The following ATP7A variants were observed in gnomAD, a reference collection of about 807,000 sequenced individuals.
ATP7A encodes the protein ATPase copper transporting alpha, also known as copper-transporting ATPase 1.
In ATP7A, 7 loss-of-function variants were observed where a neutral mutation model predicts 83.5. That is an observed-to-expected ratio of 0.08 (90% CI 0.05 to 0.16). The LOEUF is 0.16. Among genes scored for constraint, ATP7A ranks in the 10% least tolerant of loss-of-function variants. The probability of loss-of-function intolerance (pLI) is 1.00; values close to 1 mark genes in which losing one functional copy is unlikely to be tolerated. For missense variants in ATP7A, 940 were observed against 1,120.8 expected, an observed-to-expected ratio of 0.84 and a Z score of 2.30; for synonymous variants, 354 against 395.2, an observed-to-expected ratio of 0.90 and a Z score of 1.24.
At chrX:77,921,907 AAAAAAT>A (rs1328628551) in intron 1 of ATP7A, among the ~76,000 whole-genome samples, 4 of 110,857 alleles carry the variant, frequency 3.6e-5, no homozygotes, top group South Asian at 7.6e-4. Flanking sequence ...TTCTGCCTCA[AAAAAAT>A]AAAAATAAAA....
At position 78,047,703 on chromosome X, in the gene ATP7A, A is replaced by G. The variant is rs1603391893; in HGVS notation, c.*1133A>G. ...CCCTGCCTCAGCCTCCTGAGTAGCT[A>G]GGATTACAGGTGCCTGCCACCACAC... On this transcript the variant is annotated 3_prime_UTR_variant, in exon 23 of 23. Transcript: ENST00000341514. 8.9e-6 allele frequency: 1 copy of G among 112,794 alleles called. No individual in the cohort carries two copies. The highest frequency in any genetic ancestry group is 1.9e-5 in the Non-Finnish European group (1 of 53,263). The allele number at this position is 112,794 out of a possible 1,213,427, so 9.3% of individuals were successfully genotyped here. A position where few individuals can be genotyped will look rare whatever the true frequency, so the allele number is the denominator to read the frequency against.
At chrX:77,988,760 A>G (rs1343038277) in intron 3 of ATP7A, 29 bp downstream of exon 3, 7 of 1,209,599 alleles carry the variant, frequency 5.8e-6, no homozygotes, top group Admixed American at 2.2e-5. Flanking sequence ...ATTGTTTTGT[A>G]AGGCTTAGGT....
intron 5 of ATP7A, among the ~76,000 whole-genome samples, chrX:78,002,521 A>G (rs1371760439): frequency 8.9e-6 from 1 of 111,884 alleles, no homozygotes; most frequent in Non-Finnish European, 1.9e-5. Flanking sequence ...GTAAACAGTT[A>G]TAAGACAATT....
intron 6 of ATP7A, among the ~76,000 whole-genome samples, chrX:78,004,105 A>G (rs369769390): frequency 7.7e-4 from 86 of 112,113 alleles, no homozygotes; most frequent in African/African-American, 1.6e-3. Flanking sequence ...AAAGAGTAAA[A>G]TAGATCAATA....
chrX:78,011,702 GTTAATAA>G (rs2077827324), intron 9 of ATP7A, 28 bp downstream of exon 9: 1 of 1,187,923 alleles, frequency 8.4e-7, no homozygotes, highest in Non-Finnish European at 1.1e-6. Flanking sequence ...AAATATATTT[GTTAATAA>G]TAAAAAATAA....
intron 14 of ATP7A, among the ~76,000 whole-genome samples, chrX:78,023,886 G>C (rs1243384978): frequency 9.0e-6 from 1 of 111,656 alleles, no homozygotes; most frequent in Non-Finnish European, 1.9e-5. Flanking sequence ...ATAATGTCTA[G>C]AAGAGTTTTT....
chrX:78,038,722 C>A, intron 17 of ATP7A, 114 bp from the exon 18 acceptor site: 3 of 857,995 alleles, frequency 3.5e-6, no homozygotes, highest in Non-Finnish European at 5.0e-6. Context: ...AGGCTATGTT[C>A]TAGGAGCAAT....
chrX:78,028,372 A>G (rs1569550132), intron 14 of ATP7A, among the ~76,000 whole-genome samples: 1 of 111,326 alleles, frequency 9.0e-6, no homozygotes, highest in Non-Finnish European at 1.9e-5. Flanking sequence ...CATTTTTAAT[A>G]GAGACGGGGT....
intron 1 of ATP7A, among the ~76,000 whole-genome samples, chrX:77,933,520 G>A (rs2077301434): frequency 3.6e-5 from 4 of 112,035 alleles, no homozygotes; most frequent in Admixed American, 2.8e-4. Context: ...AGGACCGGAA[G>A]TGTTTCGGAT....
chrX:77,985,084 A>C (rs1160428380), intron 2 of ATP7A, among the ~76,000 whole-genome samples: 1 of 110,959 alleles, frequency 9.0e-6, no homozygotes, highest in Non-Finnish European at 1.9e-5. Flanking sequence ...CAGTGGCACG[A>C]CTTTGGCTCA....
chrX:77,998,387 C>T, intron 4 of ATP7A, 91 bp from the exon 5 acceptor site: 1 of 886,634 alleles, frequency 1.1e-6, no homozygotes, highest in Non-Finnish European at 1.7e-6. Flanking sequence ...AATAGATTGT[C>T]AGTGCCTGGA....
chrX:77,968,720 G>T (rs1264780416), intron 1 of ATP7A, among the ~76,000 whole-genome samples: 5 of 112,058 alleles, frequency 4.5e-5, no homozygotes, highest in Non-Finnish European at 9.4e-5. Flanking sequence ...CGACAAAATG[G>T]CTAAAATGAA....
chrX:77,949,044 G>A (rs575857806), intron 1 of ATP7A, among the ~76,000 whole-genome samples: 3 of 110,458 alleles, frequency 2.7e-5, no homozygotes, highest in South Asian at 7.6e-4. Context: ...GACGCATGCC[G>A]CCACACTCAG....
At chrX:78,042,087 A>G (rs904252738) in intron 19 of ATP7A, among the ~76,000 whole-genome samples, 4 of 98,769 alleles carry the variant, frequency 4.0e-5, no homozygotes, top group Non-Finnish European at 8.1e-5. Flanking sequence ...ATTGCACTCC[A>G]GCCTGGGTGA....
At chrX:78,042,922 G>C (rs781829469) in intron 20 of ATP7A, 134 bp downstream of exon 20, 53 of 781,315 alleles carry the variant, frequency 6.8e-5, no homozygotes, top group Middle Eastern at 4.3e-4. Context: ...TTAAGAATAT[G>C]GAGTGGGATT....
At position 77,970,264 on chromosome X, in the gene ATP7A, A is replaced by G. The variant is rs782325667; in HGVS notation, c.-21-1357A>G. On this transcript the variant is annotated intron_variant, in intron 1 of 22. Transcript: ENST00000341514. ...TGGCTTCCCCCAGATTGCGTGATTCAGGAGAGAGGACAACAAGGAAAACAC... is the reference window on the plus strand; with the variant it reads ...TGGCTTCCCCCAGATTGCGTGATTCGGGAGAGAGGACAACAAGGAAAACAC... 2.7e-5 allele frequency among the ~76,000 whole-genome samples: 3 copies of G among 111,773 alleles called. No homozygotes were observed. In the South Asian group the frequency reaches 1.1e-3, roughly 42 times the overall value.
intron 3 of ATP7A, 56 bp downstream of exon 3, chrX:77,988,787 T>C (rs2077653419): frequency 1.1e-5 from 13 of 1,200,045 alleles, no homozygotes; most frequent in Non-Finnish European, 1.2e-5. Context: ...TTTGATCTTT[T>C]AACTTTTTGC....
chrX:77,967,929 C>T (rs1479422656), intron 1 of ATP7A, among the ~76,000 whole-genome samples: 1 of 111,073 alleles, frequency 9.0e-6, no homozygotes, highest in Non-Finnish European at 1.9e-5. Flanking sequence ...CTCACCAAAA[C>T]TAAAATGATG....
intron 1 of ATP7A, among the ~76,000 whole-genome samples, chrX:77,918,398 A>T (rs2077195238): frequency 9.1e-6 from 1 of 110,294 alleles, no homozygotes; most frequent in Non-Finnish European, 1.9e-5. Flanking sequence ...CTTTTAAGAA[A>T]TTTTTTCCAC....
Sources: allele counts gnomAD v4.1 joint callset (sites outside exome capture counted in the v4.1 genomes callset), GRCh38; gene constraint gnomAD v4.1.1; transcripts MANE v1.5; gene names NCBI Gene and HGNC (gene_info 2026-07-23, HGNC 2026-07-21).